PALD1: variants seen among roughly 807,000 people sequenced by gnomAD.
PALD1 encodes phosphatase domain containing paladin 1.
Under a neutral mutation model 96.0 loss-of-function variants are expected in PALD1, and 57 were observed. That is an observed-to-expected ratio of 0.59 (90% CI 0.48 to 0.74). The LOEUF is 0.74. Ranked by LOEUF, PALD1 falls within the 30% of genes least tolerant of loss-of-function variation. The probability of loss-of-function intolerance (pLI) is 0.00; values close to 1 mark genes in which losing one functional copy is unlikely to be tolerated. For synonymous variants in PALD1, 464 were observed against 473.6 expected (o/e 0.98, Z 0.26); for missense variants, 1,063 against 1,143.7 (o/e 0.93, Z 1.02).
chr10:70,551,580 C>T (rs1547717), intron 18 of PALD1, among the ~76,000 whole-genome samples: 1 of 152,196 alleles, frequency 6.6e-6, no homozygotes, highest in East Asian at 1.9e-4. Context: ...TGCTTGGCTT[C>T]CTGCCCCTCA....
chr10:70,564,983 GTGAGCCAA>G (rs1369700496), intron 19 of PALD1, among the ~76,000 whole-genome samples: 2 of 152,214 alleles, frequency 1.3e-5, no homozygotes, highest in African/African-American at 4.8e-5. Context: ...CCTTGGACCA[GTGAGCCAA>G]CTCCTCCACA....
At chr10:70,528,613 G>A (rs1846920551) in intron 2 of PALD1, among the ~76,000 whole-genome samples, 1 of 152,136 alleles carries the variant, frequency 6.6e-6, no homozygotes. Context: ...ACAATCTGAT[G>A]GAGGGACCAT....
chr10:70,557,346 G>GGACACAGT lies in PALD1; in HGVS notation c.2263-7016_2263-7009dup, dbSNP rs373170431. On this transcript the variant is annotated intron_variant, in intron 18 of 19. Transcript: ENST00000263563. ...CAGGCAGGCTCTATGGGCTACATGC[G>GGACACAGT]GACACAGTGGGCCTCTTGAGGAACG... Among the ~76,000 whole-genome samples the GGACACAGT allele has an allele frequency of 4.3e-3, 651 of 152,154 alleles. 6 individuals are homozygous for GGACACAGT. Among genetic ancestry groups the GGACACAGT allele is most frequent in the African/African-American group, 0.014 (578 of 41,490 alleles).
chr10:70,565,644 A>C (rs907056112), intron 19 of PALD1, among the ~76,000 whole-genome samples: 2 of 152,182 alleles, frequency 1.3e-5, no homozygotes, highest in Admixed American at 6.5e-5. Flanking sequence ...TTGGGACGTC[A>C]GGTGGAGAAG....
chr10:70,484,164 A>G (rs898703190), intron 1 of PALD1, among the ~76,000 whole-genome samples: 5 of 151,952 alleles, frequency 3.3e-5, no homozygotes, highest in Non-Finnish European at 7.4e-5. Context: ...CACTACGCCC[A>G]GCTAATTTTT....
intron 18 of PALD1, among the ~76,000 whole-genome samples, chr10:70,559,141 G>A (rs1847679357): frequency 6.6e-6 from 1 of 152,150 alleles, no homozygotes; most frequent in South Asian, 2.1e-4. Context: ...ACAGTTATGA[G>A]GTGCCGACGG....
intron 18 of PALD1, among the ~76,000 whole-genome samples, chr10:70,555,366 C>G (rs1430840361): frequency 6.6e-6 from 1 of 152,154 alleles, no homozygotes; most frequent in Non-Finnish European, 1.5e-5. Context: ...ACCCATTTGA[C>G]TGAGAAGAAA....
At chr10:70,479,498 A>G (rs1845891965) in intron 1 of PALD1, among the ~76,000 whole-genome samples, 1 of 152,200 alleles carries the variant, frequency 6.6e-6, no homozygotes, top group African/African-American at 2.4e-5. Context: ...CAGAAGTCTC[A>G]GCGGGCACAG....
At chr10:70,549,144 G>C (rs1847429394) in intron 18 of PALD1, among the ~76,000 whole-genome samples, 2 of 151,470 alleles carry the variant, frequency 1.3e-5, no homozygotes, top group African/African-American at 4.8e-5. Flanking sequence ...AGGAAGAACT[G>C]TTTTCTTCAG....
In PALD1 at chr10:70,534,069, C is replaced by T. The variant is rs143690876; in HGVS notation, c.1018C>T (p.Pro340Ser). 143 of 1,598,548 alleles carry T rather than the reference C, an allele frequency of 8.9e-5. No individual in the cohort carries two copies. The highest frequency in any genetic ancestry group is 1.1e-4 in the Non-Finnish European group (133 of 1,170,920). The change falls in exon 8 of 20, where the codon CCA becomes TCA. Residue 340 changes from proline (P) to serine (S), a missense_variant. By Grantham distance (74) the Pro-to-Ser change is moderately conservative. Coordinates refer to ENST00000263563, the MANE Select transcript of PALD1 (RefSeq NM_014431.3). ...LLHRSGTTSQ[P>S]EAAPTQAKPL... ...TCACCGCAGTGGGACCACCTCCCAG[C>T]CAGAGTGAGTGGCCCGGGGCCCAGC...
At chr10:70,505,835 A>G (rs1306957686) in intron 1 of PALD1, among the ~76,000 whole-genome samples, 1 of 151,612 alleles carries the variant, frequency 6.6e-6, no homozygotes, top group East Asian at 1.9e-4. Context: ...ATCCTGGACA[A>G]CATGGCCAAA....
At chr10:70,491,188 A>G (rs938521970) in intron 1 of PALD1, among the ~76,000 whole-genome samples, 1 of 152,136 alleles carries the variant, frequency 6.6e-6, no homozygotes. Context: ...TTCGTGATCC[A>G]CTTGCCTCGG....
chr10:70,511,446 G>C (rs889109454), intron 1 of PALD1, among the ~76,000 whole-genome samples: 1 of 152,194 alleles, frequency 6.6e-6, no homozygotes, highest in African/African-American at 2.4e-5. Context: ...AGGGAGGAAA[G>C]GGGTCTTGTA....
At chr10:70,507,649 T>C (rs1304837205) in intron 1 of PALD1, among the ~76,000 whole-genome samples, 1 of 152,112 alleles carries the variant, frequency 6.6e-6, no homozygotes, top group Admixed American at 6.5e-5. Context: ...CTCGAACTTG[T>C]GGCCTCAAGC....
At chr10:70,497,669 C>T (rs940989719) in intron 1 of PALD1, among the ~76,000 whole-genome samples, 13 of 151,632 alleles carry the variant, frequency 8.6e-5, no homozygotes, top group African/African-American at 2.7e-4. Flanking sequence ...CGAGTTCAAG[C>T]GATTCTCCTG....
At chr10:70,517,076 C>G (rs1194327303) in intron 1 of PALD1, among the ~76,000 whole-genome samples, 3 of 152,124 alleles carry the variant, frequency 2.0e-5, no homozygotes, top group Admixed American at 6.5e-5. Context: ...AGGCCCTTTT[C>G]TGAGGTCTTT....
intron 2 of PALD1, among the ~76,000 whole-genome samples, chr10:70,526,385 G>A (rs188588112): frequency 1.8e-5 from 2 of 109,192 alleles, no homozygotes; most frequent in African/African-American, 5.3e-5. Flanking sequence ...GGGGGAATGC[G>A]GAGGAGGAGG....
intron 18 of PALD1, among the ~76,000 whole-genome samples, chr10:70,562,644 G>A (rs1380850108): frequency 2.0e-5 from 3 of 152,310 alleles, no homozygotes; most frequent in African/African-American, 2.4e-5. Flanking sequence ...CCTGTGCCAC[G>A]TCCTCTTCCT....
upstream of PALD1, among the ~76,000 whole-genome samples, chr10:70,477,812 G>C (rs1182538193): frequency 1.3e-5 from 2 of 152,224 alleles, no homozygotes; most frequent in Non-Finnish European, 2.9e-5. Flanking sequence ...ATGGGGGTGA[G>C]GCAGGTGGTA....
Sources: allele counts gnomAD v4.1 joint callset (sites outside exome capture counted in the v4.1 genomes callset), GRCh38; gene constraint gnomAD v4.1.1; transcripts MANE v1.5; gene names NCBI Gene and HGNC (gene_info 2026-07-23, HGNC 2026-07-21).